The following GABRA1 variants were observed in gnomAD, a reference collection of about 807,000 sequenced individuals.
GABRA1 encodes the protein gamma-aminobutyric acid type A receptor subunit alpha1, also known as gamma-aminobutyric acid receptor subunit alpha-1.
A neutral mutation model predicts 48.9 loss-of-function variants in GABRA1; 9 were observed. The ratio of observed to expected loss-of-function variants is 0.18; its 90% CI spans 0.11 to 0.32. The LOEUF (loss-of-function observed/expected upper bound fraction) is 0.32. Among genes scored for constraint, GABRA1 ranks in the 10% least tolerant of loss-of-function variants. GABRA1 has a pLI of 1.00. For synonymous variants in GABRA1, 210 were observed against 198.7 expected (o/e 1.06, Z -0.48); for missense variants, 285 against 553.8 (o/e 0.51, Z 4.87).
In GABRA1 at chr5:161,869,687, G is replaced by A. The variant is rs148386985; in HGVS notation, c.256-3430G>A. 4.6e-5 allele frequency among the ~76,000 whole-genome samples: 7 copies of A among 152,224 alleles called. No homozygotes were observed. In the South Asian group the frequency reaches 6.2e-4, roughly 14 times the overall value. ...TACAATATTTATTTAGGAACATAGC[G>A]GATGTTTTGTCCCAGATCTTCAGAC... is the stretch of plus-strand genomic sequence containing the variant. On this transcript the variant is annotated intron_variant, in intron 4 of 9. Coordinates refer to ENST00000393943, the MANE Select transcript of GABRA1 (RefSeq NM_001127644.2).
At chr5:161,851,447 TAAA>T (rs1038511984) in intron 2 of GABRA1, among the ~76,000 whole-genome samples, 1 of 152,024 alleles carries the variant, frequency 6.6e-6, no homozygotes, top group Admixed American at 6.6e-5. Context: ...ATTTCCCTAT[TAAA>T]AAAACAATTA....
intron 1 of GABRA1, chr5:161,849,109 T>C: frequency 2.8e-6 from 1 of 359,972 alleles, no homozygotes. Flanking sequence ...GCTTAGCCTT[T>C]CTTTTAAACT....
At chr5:161,850,671 T>C in intron 1 of GABRA1, 125 bp from the exon 2 acceptor site, 3 of 764,062 alleles carry the variant, frequency 3.9e-6, no homozygotes, top group Non-Finnish European at 7.1e-6. Flanking sequence ...CAATGAGGTG[T>C]CATATCCCAG....
At chr5:161,878,713 T>A (rs1163026445) in intron 6 of GABRA1, among the ~76,000 whole-genome samples, 1 of 152,188 alleles carries the variant, frequency 6.6e-6, no homozygotes, top group Non-Finnish European at 1.5e-5. Context: ...ATGATACAAC[T>A]GTGATCGTTT....
intron 1 of GABRA1, chr5:161,848,934 C>G: frequency 2.2e-6 from 1 of 454,374 alleles, no homozygotes; most frequent in Non-Finnish European, 4.4e-6. Context: ...GCCTGTTTTT[C>G]CCTTTCCAGT....
At chr5:161,886,517 T>C (rs1278068803) in intron 7 of GABRA1, among the ~76,000 whole-genome samples, 1 of 152,056 alleles carries the variant, frequency 6.6e-6, no homozygotes, top group Non-Finnish European at 1.5e-5. Flanking sequence ...ATGCCTGTAA[T>C]CTCAGCACTT....
At chr5:161,863,591 G>A (rs1757940804) in intron 3 of GABRA1, among the ~76,000 whole-genome samples, 1 of 151,958 alleles carries the variant, frequency 6.6e-6, no homozygotes, top group East Asian at 1.9e-4. Flanking sequence ...TTCCCACCAG[G>A]CCCCAGCTCC....
chr5:161,893,006 AAAAAATAAT>A (rs759594234), intron 8 of GABRA1, among the ~76,000 whole-genome samples: 10,138 of 48,466 alleles, frequency 0.21, 552 homozygotes, highest in African/African-American at 0.28. Flanking sequence ...CTCCTTCTCA[AAAAAATAAT>A]AATAATAATA....
At chr5:161,892,670 AAAAC>A (rs3078109) in intron 8 of GABRA1, among the ~76,000 whole-genome samples, 75,986 of 150,706 alleles carry the variant, frequency 0.5, 21,077 homozygotes, top group Admixed American at 0.63. Flanking sequence ...CTAGGAAATT[AAAAC>A]AAACAAACAA....
chr5:161,894,594 G>A (rs545390284), intron 8 of GABRA1, among the ~76,000 whole-genome samples: 1 of 152,256 alleles, frequency 6.6e-6, no homozygotes, highest in Non-Finnish European at 1.5e-5. Context: ...CTAGTCACTG[G>A]AAGAAGTCAG....
chr5:161,876,969 CT>C (rs1561577449), intron 6 of GABRA1, among the ~76,000 whole-genome samples: 1 of 152,142 alleles, frequency 6.6e-6, no homozygotes, highest in Non-Finnish European at 1.5e-5. Context: ...AGGTCTTGCT[CT>C]GTTGCCATGG....
intron 3 of GABRA1, among the ~76,000 whole-genome samples, chr5:161,863,298 G>A (rs951888027): frequency 6.6e-6 from 1 of 151,900 alleles, no homozygotes; most frequent in Admixed American, 6.6e-5. Flanking sequence ...ACTGAGACGG[G>A]TAATTTATAA....
intron 7 of GABRA1, among the ~76,000 whole-genome samples, chr5:161,888,718 T>G (rs1757541917): frequency 6.6e-6 from 1 of 152,046 alleles, no homozygotes; most frequent in Non-Finnish European, 1.5e-5. Context: ...TAGTAGTGTT[T>G]TGGGAAAATT....
At chr5:161,865,887 G>C in intron 4 of GABRA1, 99 bp downstream of exon 4, 2 of 926,674 alleles carry the variant, frequency 2.2e-6, no homozygotes, top group South Asian at 2.6e-5. Flanking sequence ...AACCTGAAAA[G>C]TCTTGGCTAT....
At chr5:161,864,224 T>A (rs1757967284) in intron 3 of GABRA1, among the ~76,000 whole-genome samples, 1 of 152,152 alleles carries the variant, frequency 6.6e-6, no homozygotes, top group South Asian at 2.1e-4. Context: ...TTATTATACT[T>A]TAAGTTTTAG....
At chr5:161,871,266 G>C (rs1322817191) in intron 4 of GABRA1, among the ~76,000 whole-genome samples, 2 of 152,110 alleles carry the variant, frequency 1.3e-5, no homozygotes, top group African/African-American at 4.8e-5. Context: ...TGAACCAAAG[G>C]CTCGATTCAT....
At position 161,899,612 on chromosome 5, in the gene GABRA1, T is replaced by G. The variant is rs192225130; in HGVS notation, c.*2190T>G. 6.6e-4 allele frequency: 101 copies of G among 152,304 alleles called. No homozygotes were observed. The highest frequency in any genetic ancestry group is 2.7e-3 in the Admixed American group (41 of 15,300). The allele number at this position is 152,304 out of a possible 1,614,324, so 9.4% of individuals were successfully genotyped here. ...AGTTTGTTAGTATATGTGGATAGTA[T>G]TCTACTGTATAAATGATTGCAAAGT... On this transcript the variant is annotated 3_prime_UTR_variant, in exon 10 of 10. Coordinates refer to ENST00000393943, the MANE Select transcript of GABRA1 (RefSeq NM_001127644.2).
chr5:161,865,390 C>A (rs1439557487), intron 3 of GABRA1, among the ~76,000 whole-genome samples: 2 of 152,034 alleles, frequency 1.3e-5, no homozygotes, highest in Admixed American at 1.3e-4. Context: ...TTAAGCTATA[C>A]CAACATGTTA....
At chr5:161,892,865 G>A (rs1755162332) in intron 8 of GABRA1, among the ~76,000 whole-genome samples, 1 of 151,860 alleles carries the variant, frequency 6.6e-6, no homozygotes, top group South Asian at 2.1e-4. Context: ...TTAGCTGGGT[G>A]TAGTGGTGGG....
Sources: gnomAD v4.1 joint callset for allele counts (sites outside exome capture counted in the v4.1 genomes callset) on GRCh38, gnomAD v4.1.1 for gene constraint, MANE v1.5 for transcripts, NCBI Gene and HGNC (gene_info 2026-07-23, HGNC 2026-07-21) for gene names.